The following SFXN1 variants were observed in gnomAD, a reference collection of about 807,000 sequenced individuals.
The protein encoded by SFXN1 is sideroflexin-1.
A neutral mutation model predicts 39.5 loss-of-function variants in SFXN1; 32 were observed. The observed-to-expected ratio is 0.81, with a 90% confidence interval of 0.61 to 1.09. The LOEUF is 1.09. Ranked by LOEUF, SFXN1 falls within the 50% of genes least tolerant of loss-of-function variation. SFXN1 has a pLI of 0.00. For missense variants in SFXN1, 402 were observed against 407.1 expected, an observed-to-expected ratio of 0.99 and a Z score of 0.11; for synonymous variants, 136 against 146.5, an observed-to-expected ratio of 0.93 and a Z score of 0.52.
intron 5 of SFXN1, 58 bp downstream of exon 5, chr5:175,511,584 T>C (rs1760518324): frequency 1.5e-6 from 2 of 1,304,938 alleles, no homozygotes; most frequent in East Asian, 4.6e-5. Flanking sequence ...CCTGCCTGGC[T>C]CTAAATCCCT....
intron 1 of SFXN1, among the ~76,000 whole-genome samples, chr5:175,484,352 C>G (rs1759369635): frequency 6.6e-6 from 1 of 152,236 alleles, no homozygotes; most frequent in East Asian, 1.9e-4. Flanking sequence ...CACAATCACC[C>G]CCACCCCATG....
intron 1 of SFXN1, among the ~76,000 whole-genome samples, chr5:175,484,672 T>C (rs267388): frequency 0.66 from 100,744 of 152,198 alleles, 34,016 homozygotes; most frequent in African/African-American, 0.77. Context: ...TCTCGGCGCA[T>C]CCTCCTCAGC....
At chr5:175,491,775 C>T in intron 1 of SFXN1, 1 of 191,704 alleles carries the variant, frequency 5.2e-6, no homozygotes, top group Non-Finnish European at 1.1e-5. Context: ...GTGTGAGCTG[C>T]CGCACCCATC....
chr5:175,502,117 G>C (rs1387649404), intron 2 of SFXN1, among the ~76,000 whole-genome samples: 1 of 152,152 alleles, frequency 6.6e-6, no homozygotes, highest in Non-Finnish European at 1.5e-5. Flanking sequence ...GGTTGGGCCA[G>C]ATTACTGGTC....
chr5:175,479,980 T>C (rs2063118061), intron 1 of SFXN1, among the ~76,000 whole-genome samples: 1 of 152,134 alleles, frequency 6.6e-6, no homozygotes, highest in South Asian at 2.1e-4. Context: ...CTCCTACAGC[T>C]TCAGACTTGA....
intron 2 of SFXN1, among the ~76,000 whole-genome samples, chr5:175,496,810 C>A (rs1759875496): frequency 6.6e-6 from 1 of 151,986 alleles, no homozygotes; most frequent in South Asian, 2.1e-4. Context: ...AGCATATAGA[C>A]CCTTAAAGTC....
intron 6 of SFXN1, among the ~76,000 whole-genome samples, chr5:175,513,192 C>T (rs1044840464): frequency 2.7e-5 from 4 of 150,430 alleles, no homozygotes; most frequent in Middle Eastern, 3.5e-3. Flanking sequence ...TCTAGCTACT[C>T]GGGAGGCTGA....
rs1761189712 is a variant in SFXN1, at chr5:175,529,574, G to A, written c.*2840G>A. 1 of 152,174 alleles carries A rather than the reference G, an allele frequency of 6.6e-6. No individual in the cohort carries two copies. Among genetic ancestry groups the A allele is most frequent in the African/African-American group, 2.4e-5 (1 of 41,442 alleles). The allele number at this position is 152,174 out of a possible 1,614,324, so 9.4% of individuals were successfully genotyped here. Reference sequence around the variant, plus strand: ...AAGTGCAATAAGCTTATAAAGCTAAGTAGTTATTAATATTTCTATTAACAT... The same window carrying A: ...AAGTGCAATAAGCTTATAAAGCTAAATAGTTATTAATATTTCTATTAACAT... On this transcript the variant is annotated 3_prime_UTR_variant, in exon 11 of 11. Coordinates refer to ENST00000321442, the MANE Select transcript of SFXN1 (RefSeq NM_022754.7).
intron 6 of SFXN1, 86 bp from the exon 7 acceptor site, chr5:175,513,377 A>C (rs866086193): frequency 7.5e-7 from 1 of 1,332,308 alleles, no homozygotes; most frequent in Middle Eastern, 2.3e-4. Context: ...AATTAAGTAG[A>C]GGGTTGATCT....
intron 4 of SFXN1, among the ~76,000 whole-genome samples, chr5:175,511,248 G>A (rs981062500): frequency 1.3e-5 from 2 of 152,138 alleles, no homozygotes; most frequent in East Asian, 1.9e-4. Context: ...GTCAAGATAC[G>A]TGTGAAGAAT....
chr5:175,505,199 C>T (rs777432960), intron 2 of SFXN1, among the ~76,000 whole-genome samples: 1 of 151,974 alleles, frequency 6.6e-6, no homozygotes, highest in Admixed American at 6.6e-5. Flanking sequence ...CAGATTAATA[C>T]GATTTCAGTC....
intron 1 of SFXN1, among the ~76,000 whole-genome samples, chr5:175,487,341 G>A (rs1189978850): frequency 6.6e-6 from 1 of 152,214 alleles, no homozygotes; most frequent in African/African-American, 2.4e-5. Context: ...GGAATAAACG[G>A]TTTCCCAAGG....
chr5:175,501,956 A>G (rs1356177016), intron 2 of SFXN1, among the ~76,000 whole-genome samples: 1 of 152,202 alleles, frequency 6.6e-6, no homozygotes, highest in Non-Finnish European at 1.5e-5. Flanking sequence ...AGTCTCCCCG[A>G]CTGATTCGGT....
At chr5:175,501,981 A>G (rs1440202528) in intron 2 of SFXN1, among the ~76,000 whole-genome samples, 1 of 152,122 alleles carries the variant, frequency 6.6e-6, no homozygotes, top group East Asian at 1.9e-4. Flanking sequence ...AGAGTTTTTG[A>G]AGAAAATTTG....
chr5:175,493,114 A>G (rs963942995), intron 2 of SFXN1, among the ~76,000 whole-genome samples: 4 of 152,062 alleles, frequency 2.6e-5, no homozygotes, highest in African/African-American at 9.7e-5. Context: ...TTAGCCAGGC[A>G]TGGTGGCGGG....
intron 1 of SFXN1, among the ~76,000 whole-genome samples, chr5:175,480,400 T>TA (rs397972232): frequency 0.038 from 5,490 of 144,552 alleles, 318 homozygotes; most frequent in African/African-American, 0.13. Flanking sequence ...GACTCCGTCT[T>TA]AAAAAAAAAA....
At chr5:175,498,493 A>G (rs113642933) in intron 2 of SFXN1, among the ~76,000 whole-genome samples, 11,631 of 152,258 alleles carry the variant, frequency 0.076, 517 homozygotes, top group Admixed American at 0.11. Flanking sequence ...TACTACATAC[A>G]CTGCTTTTCA....
chr5:175,506,261 A>G (rs923786115), intron 2 of SFXN1, among the ~76,000 whole-genome samples: 7 of 152,240 alleles, frequency 4.6e-5, no homozygotes, highest in African/African-American at 1.7e-4. Context: ...CTGATTACAT[A>G]AAAATAATAA....
intron 7 of SFXN1, among the ~76,000 whole-genome samples, chr5:175,515,380 C>T (rs748674333): frequency 2.6e-5 from 4 of 152,144 alleles, no homozygotes; most frequent in Non-Finnish European, 5.9e-5. Flanking sequence ...CCAGTCCAGA[C>T]GGACAAATCC....
Sources: allele counts gnomAD v4.1 joint callset (sites outside exome capture counted in the v4.1 genomes callset), GRCh38; gene constraint gnomAD v4.1.1; transcripts MANE v1.5; gene names NCBI Gene and HGNC (gene_info 2026-07-23, HGNC 2026-07-21).